CAST: variants seen among roughly 807,000 people sequenced by gnomAD.
CAST encodes the protein MIR583 host.
A neutral mutation model predicts 119.6 loss-of-function variants in CAST; 76 were observed. The observed-to-expected ratio is 0.64, with a 90% CI of 0.53 to 0.77. The LOEUF (loss-of-function observed/expected upper bound fraction) is 0.77. Ranked by LOEUF, CAST falls within the 30% of genes least tolerant of loss-of-function variation. The pLI, the probability that CAST is intolerant of heterozygous loss-of-function variation, is 0.00. For synonymous variants in CAST, 319 were observed against 331.6 expected, an observed-to-expected ratio of 0.96 and a Z score of 0.41; for missense variants, 953 against 946.5, an observed-to-expected ratio of 1.01 and a Z score of -0.09.
At chr5:96,035,160 A>G in the CAST span, among the ~76,000 whole-genome samples, 1 of 143,008 alleles carries the variant, frequency 7.0e-6, no homozygotes, top group East Asian at 2.0e-4. Context: ...TATATACTTC[A>G]AAATATATAT....
At chr5:96,235,917 A>G in the CAST span, among the ~76,000 whole-genome samples, 1 of 152,208 alleles carries the variant, frequency 6.6e-6, no homozygotes, top group Non-Finnish European at 1.5e-5. Flanking sequence ...ATCCTAGACC[A>G]TGGATACCCC....
the CAST span, among the ~76,000 whole-genome samples, chr5:96,059,976 C>A: frequency 6.6e-6 from 1 of 152,036 alleles, no homozygotes; most frequent in Non-Finnish European, 1.5e-5. Context: ...ATGAAAAAAA[C>A]CATACAGATC....
the CAST span, among the ~76,000 whole-genome samples, chr5:96,281,468 G>A: frequency 3.3e-5 from 5 of 152,216 alleles, no homozygotes; most frequent in African/African-American, 1.2e-4. Context: ...ACAGCTGCAA[G>A]TAACAGGAAA....
intron 25 of CAST, chr5:96,763,122 A>G (rs80120122): frequency 1.3e-6 from 1 of 779,610 alleles, no homozygotes; most frequent in Non-Finnish European, 2.4e-6. Flanking sequence ...AACTTTAGCG[A>G]AGTCAGCTAT....
the CAST span, among the ~76,000 whole-genome samples, chr5:96,183,093 C>G: frequency 6.6e-6 from 1 of 151,048 alleles, no homozygotes; most frequent in Non-Finnish European, 1.5e-5. Flanking sequence ...GAGCCGAGAT[C>G]GCGCGCCACT....
the CAST span, among the ~76,000 whole-genome samples, chr5:96,492,656 A>G: frequency 6.6e-6 from 1 of 152,188 alleles, no homozygotes; most frequent in Admixed American, 6.5e-5. Context: ...TGATCAAGAC[A>G]CCTACCAGCC....
chr5:96,306,603 T>A, the CAST span, among the ~76,000 whole-genome samples: 1 of 152,226 alleles, frequency 6.6e-6, no homozygotes, highest in Non-Finnish European at 1.5e-5. Flanking sequence ...TAAATTTCCC[T>A]CTACACACTG....
At chr5:96,526,356 A>G (rs1469703492), upstream of CAST, among the ~76,000 whole-genome samples, 1 of 152,092 alleles carries the variant, frequency 6.6e-6, no homozygotes, top group Admixed American at 6.6e-5. Flanking sequence ...AGAGGTAGGA[A>G]AGGTATGGTG....
At chr5:96,290,552 A>G in the CAST span, among the ~76,000 whole-genome samples, 5 of 152,332 alleles carry the variant, frequency 3.3e-5, no homozygotes, top group East Asian at 3.9e-4. Flanking sequence ...CTAAGCAGTG[A>G]CGATGAAGCT....
chr5:96,366,041 A>C, the CAST span, among the ~76,000 whole-genome samples: 10 of 152,158 alleles, frequency 6.6e-5, no homozygotes, highest in Admixed American at 6.5e-4. Flanking sequence ...AAAATCTCTC[A>C]GCATTTGCTT....
intron 1 of CAST, among the ~76,000 whole-genome samples, chr5:96,553,002 TC>T (rs1451734278): frequency 6.6e-6 from 1 of 152,198 alleles, no homozygotes; most frequent in East Asian, 1.9e-4. Flanking sequence ...CTGGTATCAT[TC>T]CTTCTGAAAC....
the CAST span, among the ~76,000 whole-genome samples, chr5:96,128,162 C>G: frequency 6.6e-6 from 1 of 152,132 alleles, no homozygotes; most frequent in Non-Finnish European, 1.5e-5. Context: ...TTTTTAGTGG[C>G]ATGCCCTGTT....
At chr5:96,534,743 A>AGAGAGAGAG (rs1554066267) in intron 1 of CAST, among the ~76,000 whole-genome samples, 9 of 56,598 alleles carry the variant, frequency 1.6e-4, no homozygotes, top group African/African-American at 3.2e-4. Flanking sequence ...GAGAGAGAGA[A>AGAGAGAGAG]AGAAAGAAAG....
intron 1 of CAST, among the ~76,000 whole-genome samples, chr5:96,648,740 G>C (rs576136220): frequency 2.6e-5 from 4 of 151,882 alleles, no homozygotes; most frequent in Admixed American, 2.6e-4. Flanking sequence ...GTGTGTGTGT[G>C]TGTGGTGTAA....
chr5:96,673,650 C>T (rs994385966), intron 1 of CAST, among the ~76,000 whole-genome samples: 1 of 152,212 alleles, frequency 6.6e-6, no homozygotes, highest in Admixed American at 6.5e-5. Flanking sequence ...CCACCTCATG[C>T]TAATGGCCCC....
chr5:96,630,779 C>T (rs772531316), intron 1 of CAST, among the ~76,000 whole-genome samples: 3 of 149,326 alleles, frequency 2.0e-5, no homozygotes, highest in Non-Finnish European at 4.4e-5. Flanking sequence ...GAGCAAGACT[C>T]CATCTCAAAA....
At chr5:96,311,314 C>G in the CAST span, among the ~76,000 whole-genome samples, 1 of 152,022 alleles carries the variant, frequency 6.6e-6, no homozygotes, top group Non-Finnish European at 1.5e-5. Flanking sequence ...CTTAAATTTG[C>G]TAAGACTTGT....
At chr5:96,590,552 A>G (rs1015047015) in intron 1 of CAST, among the ~76,000 whole-genome samples, 4 of 152,218 alleles carry the variant, frequency 2.6e-5, no homozygotes, top group African/African-American at 9.6e-5. Context: ...CCATGTCCTA[A>G]ATGTGCCACT....
chr5:96,613,621 A>G (rs1747402089), intron 1 of CAST, among the ~76,000 whole-genome samples: 1 of 152,040 alleles, frequency 6.6e-6, no homozygotes, highest in South Asian at 2.1e-4. Flanking sequence ...TGTGTTCTTA[A>G]CCTCCAATCC....
Sources: allele counts gnomAD v4.1 joint callset (sites outside exome capture counted in the v4.1 genomes callset), GRCh38; gene constraint gnomAD v4.1.1; transcripts MANE v1.5; gene names NCBI Gene and HGNC (gene_info 2026-07-23, HGNC 2026-07-21).